The following RHOA variants were observed in gnomAD, a reference collection of about 807,000 sequenced individuals.
The protein encoded by RHOA is transforming protein RhoA.
In RHOA, 3 loss-of-function variants were observed where a neutral mutation model predicts 17.5. That is an observed-to-expected ratio of 0.17 (90% CI 0.08 to 0.44). The LOEUF is 0.44. Among genes scored for constraint, RHOA ranks in the 20% least tolerant of loss-of-function variants. The probability of loss-of-function intolerance (pLI) is 0.99; values close to 1 mark genes in which losing one functional copy is unlikely to be tolerated. For missense variants in RHOA, 56 were observed against 242.3 expected (o/e 0.23, Z 5.10); for synonymous variants, 98 against 88.4 (o/e 1.11, Z -0.61).
intron 1 of RHOA, among the ~76,000 whole-genome samples, chr3:49,402,353 C>T (rs1438723219): frequency 1.3e-5 from 2 of 151,904 alleles, no homozygotes; most frequent in African/African-American, 4.8e-5. Flanking sequence ...TATTGTAAAC[C>T]TTATTGCAGG....
chr3:49,408,767 G>A (rs2048881011), intron 1 of RHOA, among the ~76,000 whole-genome samples: 2 of 151,362 alleles, frequency 1.3e-5, no homozygotes, highest in South Asian at 4.2e-4. Context: ...TAAACTAAAT[G>A]GCAGAGTCAG....
chr3:49,396,783 A>T (rs755199760), intron 1 of RHOA, among the ~76,000 whole-genome samples: 1 of 151,726 alleles, frequency 6.6e-6, no homozygotes, highest in Non-Finnish European at 1.5e-5. Flanking sequence ...GCACGAGTTC[A>T]ACACCAGCCC....
intron 1 of RHOA, among the ~76,000 whole-genome samples, chr3:49,376,524 T>C (rs1260422394): frequency 6.7e-6 from 1 of 150,274 alleles, no homozygotes; most frequent in African/African-American, 2.4e-5. Context: ...GCACCTGTAG[T>C]CCCAGCTACT....
chr3:49,375,745 T>C (rs1350024563), intron 1 of RHOA, among the ~76,000 whole-genome samples, 154 bp from the exon 2 acceptor site: 1 of 152,154 alleles, frequency 6.6e-6, no homozygotes, highest in East Asian at 1.9e-4. Context: ...CACCAAAAGG[T>C]TATACATTAA....
At chr3:49,406,999 C>T (rs1001495070) in intron 1 of RHOA, among the ~76,000 whole-genome samples, 3 of 151,302 alleles carry the variant, frequency 2.0e-5, no homozygotes, top group African/African-American at 7.3e-5. Context: ...AAAAATTAGT[C>T]GGGCATGGTC....
In RHOA at chr3:49,381,572, CA is replaced by C. The variant is rs1157199249; in HGVS notation, c.-2-5982del. Among the ~76,000 whole-genome samples the C allele has an allele frequency of 2.1e-3, 272 of 130,522 alleles. 1 individual carries two copies. The highest frequency in any genetic ancestry group is 1.9e-3 in the Admixed American group (25 of 12,840). 85.6% of individuals were successfully genotyped at this position (130,522 alleles called of 152,430 possible). ...CCTGGGCAACACAGTGAGACTCTGT[CA>C]AAAAAAAAAAAGGATTGGCATGGTG... On this transcript the variant is annotated intron_variant, in intron 1 of 4. Coordinates refer to ENST00000418115, the MANE Select transcript of RHOA (RefSeq NM_001664.4).
At chr3:49,393,595 C>CA (rs2048549853) in intron 1 of RHOA, among the ~76,000 whole-genome samples, 1 of 97,960 alleles carries the variant, frequency 1.0e-5, no homozygotes, top group Non-Finnish European at 1.9e-5. Flanking sequence ...ACTGCACTGG[C>CA]TTTTTTTTTT....
At position 49,359,219 on chromosome 3, in the gene RHOA, G is replaced by C. The variant is rs11552766; in HGVS notation, c.*990C>G. 2 of 190,498 alleles carry C rather than the reference G, an allele frequency of 1.0e-5. No individual in the cohort carries two copies. Among genetic ancestry groups the C allele is most frequent in the Non-Finnish European group, 2.2e-5 (2 of 90,652 alleles). The allele number at this position is 190,498 out of a possible 1,614,324, so 11.8% of individuals were successfully genotyped here. A position where few individuals can be genotyped will look rare whatever the true frequency, so the allele number is the denominator to read the frequency against. On this transcript the variant is annotated 3_prime_UTR_variant, in exon 5 of 5. Transcript: ENST00000418115. ...CAGAAAAAAAGTTTAGTCAGCTGGA[G>C]AGAAGAGAGACTGAGTGCCACCCAT...
At chr3:49,368,234 C>T (rs1374265933) in intron 3 of RHOA, among the ~76,000 whole-genome samples, 194 bp downstream of exon 3, 3 of 152,064 alleles carry the variant, frequency 2.0e-5, no homozygotes, top group Non-Finnish European at 4.4e-5. Context: ...ATTTTAAATA[C>T]AGTACCCATG....
intron 1 of RHOA, among the ~76,000 whole-genome samples, chr3:49,376,767 T>G (rs1575654986): frequency 6.6e-6 from 1 of 151,718 alleles, no homozygotes; most frequent in Admixed American, 6.6e-5. Context: ...GTTGTTTGGG[T>G]AGACATTCTG....
chr3:49,407,471 T>A (rs13061396), intron 1 of RHOA, among the ~76,000 whole-genome samples: 1 of 152,010 alleles, frequency 6.6e-6, no homozygotes, highest in African/African-American at 2.4e-5. Flanking sequence ...TGACCTCAAG[T>A]GATCCACCTG....
intron 1 of RHOA, among the ~76,000 whole-genome samples, chr3:49,403,991 G>A (rs971885792): frequency 6.7e-6 from 1 of 148,988 alleles, no homozygotes; most frequent in Admixed American, 7.0e-5. Context: ...ACTACAAACT[G>A]TAACCTGAAT....
intron 1 of RHOA, among the ~76,000 whole-genome samples, chr3:49,379,598 T>C (rs995672776): frequency 5.3e-5 from 8 of 152,098 alleles, no homozygotes; most frequent in Non-Finnish European, 4.4e-5. Flanking sequence ...ACTGCAACCT[T>C]AGCCTCCCCA....
intron 4 of RHOA, among the ~76,000 whole-genome samples, chr3:49,361,928 C>T (rs1003677895): frequency 6.6e-6 from 1 of 151,514 alleles, no homozygotes; most frequent in African/African-American, 2.4e-5. Flanking sequence ...TGGCTCACAC[C>T]TGTAATCCCT....
At chr3:49,408,988 G>A (rs1050052375) in intron 1 of RHOA, among the ~76,000 whole-genome samples, 1 of 151,552 alleles carries the variant, frequency 6.6e-6, no homozygotes, top group African/African-American at 2.4e-5. Context: ...TAGAGACGGG[G>A]TTTCACCGTG....
At chr3:49,400,354 TCAGGC>T (rs1005440908) in intron 1 of RHOA, among the ~76,000 whole-genome samples, 1 of 151,996 alleles carries the variant, frequency 6.6e-6, no homozygotes, top group Non-Finnish European at 1.5e-5. Flanking sequence ...TTATCTGTGT[TCAGGC>T]CAAGGGTTGA....
At chr3:49,388,134 G>A (rs1280646044) in intron 1 of RHOA, among the ~76,000 whole-genome samples, 2 of 151,752 alleles carry the variant, frequency 1.3e-5, no homozygotes, top group Non-Finnish European at 2.9e-5. Context: ...AGCTTCCCGA[G>A]TAGCTGGGAC....
intron 1 of RHOA, among the ~76,000 whole-genome samples, chr3:49,398,436 T>C (rs180790040): frequency 2.4e-4 from 36 of 150,924 alleles, no homozygotes; most frequent in African/African-American, 7.8e-4. Flanking sequence ...GGAGAATACA[T>C]AAAAGGGGGT....
At position 49,399,866 on chromosome 3, in the gene RHOA, A is replaced by G. The variant is rs534714807; in HGVS notation, c.-3+11954T>C. On this transcript the variant is annotated intron_variant, in intron 1 of 4. Coordinates refer to ENST00000418115, the MANE Select transcript of RHOA (RefSeq NM_001664.4). ...AAAGATTTATATAGTAGATTACATC[A>G]AGGGGGTAAGAAATAAAGCAATACA... Among the ~76,000 whole-genome samples, 13 of 152,262 alleles carry G rather than the reference A, an allele frequency of 8.5e-5. No homozygotes were observed. The South Asian group carries it at 2.7e-3, about 32-fold the overall frequency.
Sources: allele counts gnomAD v4.1 joint callset (sites outside exome capture counted in the v4.1 genomes callset), GRCh38; gene constraint gnomAD v4.1.1; transcripts MANE v1.5; gene names NCBI Gene and HGNC (gene_info 2026-07-23, HGNC 2026-07-21).